SPAG16: variants seen among roughly 807,000 people sequenced by gnomAD.
The protein encoded by SPAG16 is sperm associated antigen 16.
SPAG16 carries 86 observed loss-of-function variants against 80.4 expected under a neutral mutation model. The ratio of observed to expected loss-of-function variants is 1.07; its 90% CI spans 0.90 to 1.28. The LOEUF (loss-of-function observed/expected upper bound fraction) is 1.28, where lower values mean the gene tolerates loss of function less well. Among genes scored for constraint, SPAG16 ranks in the 50% most tolerant of loss-of-function variants. The pLI, the probability that SPAG16 is intolerant of heterozygous loss-of-function variation, is 0.00. For missense variants in SPAG16, 870 were observed against 765.3 expected (o/e 1.14, Z -1.61); for synonymous variants, 294 against 265.9 (o/e 1.11, Z -1.03).
At chr2:213,882,738 A>T (rs1404816154) in intron 11 of SPAG16, among the ~76,000 whole-genome samples, 1 of 152,164 alleles carries the variant, frequency 6.6e-6, no homozygotes, top group Non-Finnish European at 1.5e-5. Context: ...TTTTTCAAAG[A>T]ACAAACTTTT....
At chr2:213,316,835 C>T (rs1575171973) in intron 4 of SPAG16, among the ~76,000 whole-genome samples, 1 of 152,082 alleles carries the variant, frequency 6.6e-6, no homozygotes, top group East Asian at 1.9e-4. Context: ...ACAAGCACTC[C>T]CATCAGTGTT....
At chr2:214,101,679 A>T (rs1177753756) in intron 13 of SPAG16, among the ~76,000 whole-genome samples, 1 of 152,054 alleles carries the variant, frequency 6.6e-6, no homozygotes, top group East Asian at 1.9e-4. Flanking sequence ...GGGCTAGGGG[A>T]CTTTGGAATC....
intron 15 of SPAG16, among the ~76,000 whole-genome samples, chr2:214,377,739 T>C (rs1429992703): frequency 6.6e-6 from 1 of 152,166 alleles, no homozygotes; most frequent in East Asian, 1.9e-4. Context: ...GGGTCAACCA[T>C]ACTTGATATT....
intron 11 of SPAG16, among the ~76,000 whole-genome samples, chr2:213,868,388 C>T (rs570539373): frequency 5.9e-5 from 9 of 152,208 alleles, no homozygotes; most frequent in African/African-American, 1.9e-4. Context: ...GGTTGAACTT[C>T]CTTATCCACA....
chr2:214,357,495 C>T (rs906379062), intron 15 of SPAG16, among the ~76,000 whole-genome samples: 2 of 151,872 alleles, frequency 1.3e-5, no homozygotes, highest in East Asian at 3.9e-4. Flanking sequence ...CCCCCTCCCC[C>T]AGTCTTCTGA....
chr2:213,341,958 A>G lies in SPAG16; in HGVS notation c.644+1688A>G, dbSNP rs2064707033. On this transcript the variant is annotated intron_variant, in intron 6 of 15. Coordinates refer to ENST00000331683, the MANE Select transcript of SPAG16 (RefSeq NM_024532.5). The stretch of plus-strand genomic sequence containing the variant: ...TATGAAGTACTTATGGACTTTATAA[A>G]ATAGACACACCCTTTAAAATAGATT... 4.6e-5 allele frequency among the ~76,000 whole-genome samples: 7 copies of G among 152,176 alleles called. No individual in the cohort carries two copies. In the South Asian group the frequency reaches 1.4e-3, roughly 32 times the overall value.
intron 10 of SPAG16, among the ~76,000 whole-genome samples, chr2:213,511,994 A>G (rs1263125739): frequency 6.6e-6 from 1 of 152,048 alleles, no homozygotes; most frequent in African/African-American, 2.4e-5. Flanking sequence ...TCTCCTCTGG[A>G]GAAAAATAAA....
At chr2:214,257,284 T>G (rs1690759216) in intron 15 of SPAG16, among the ~76,000 whole-genome samples, 1 of 151,988 alleles carries the variant, frequency 6.6e-6, no homozygotes, top group East Asian at 1.9e-4. Flanking sequence ...GTAGTTGTGT[T>G]GTCAAGTTCT....
chr2:214,072,859 C>A (rs1266267803), intron 13 of SPAG16, among the ~76,000 whole-genome samples: 1 of 151,966 alleles, frequency 6.6e-6, no homozygotes, highest in African/African-American at 2.4e-5. Context: ...AATTAAAACC[C>A]AACTTGGATT....
Position 214,015,218 on chromosome 2 carries a change from A to T in SPAG16, c.1527+1141A>T, listed in dbSNP as rs184379787. Reference sequence around the variant, plus strand: ...CATGTTCCATGGACTGGCCAGACCCACTTCATGGTCAGTGGTCTCTTATCA... The same window carrying T: ...CATGTTCCATGGACTGGCCAGACCCTCTTCATGGTCAGTGGTCTCTTATCA... On this transcript the variant is annotated intron_variant, in intron 13 of 15. Transcript: ENST00000331683. 3.5e-4 allele frequency among the ~76,000 whole-genome samples: 53 copies of T among 152,290 alleles called. No homozygotes were observed. The East Asian group carries it at 6.6e-3, about 19-fold the overall frequency.
rs1690138269 is a variant in SPAG16, at chr2:214,250,080, A to G, written c.1720+100814A>G. 6 of 152,134 alleles carry G rather than the reference A, an allele frequency of 3.9e-5. No homozygotes were observed. The South Asian group carries it at 1.2e-3, about 31-fold the overall frequency. The allele number at this position is 152,134 out of a possible 1,614,324, so 9.4% of individuals were successfully genotyped here. ...TAGGAAAGCACAGAAAACTTACTTT[A>G]TTTCTTAAGTGCCTCAGACCAGCAA... On this transcript the variant is annotated intron_variant, in intron 15 of 15. Coordinates refer to ENST00000331683, the MANE Select transcript of SPAG16 (RefSeq NM_024532.5).
intron 14 of SPAG16, among the ~76,000 whole-genome samples, chr2:214,127,453 G>A (rs924269717): frequency 3.3e-5 from 5 of 151,708 alleles, no homozygotes; most frequent in Non-Finnish European, 7.4e-5. Flanking sequence ...AAAGAGCAGA[G>A]TGGGAGTGAG....
At chr2:213,909,896 T>A (rs991472245) in intron 11 of SPAG16, among the ~76,000 whole-genome samples, 1 of 152,218 alleles carries the variant, frequency 6.6e-6, no homozygotes. Context: ...ACAGGCCTTT[T>A]ATTTCAACTC....
intron 11 of SPAG16, among the ~76,000 whole-genome samples, chr2:213,909,730 G>A (rs1292198492): frequency 5.3e-5 from 8 of 152,146 alleles, no homozygotes; most frequent in Non-Finnish European, 7.4e-5. Context: ...ATTAATTCAA[G>A]ATGGATTAAA....
intron 10 of SPAG16, among the ~76,000 whole-genome samples, chr2:213,609,470 G>C (rs2061372240): frequency 6.6e-6 from 1 of 151,822 alleles, no homozygotes; most frequent in African/African-American, 2.4e-5. Flanking sequence ...AATTTATTTT[G>C]AATGCTATAT....
intron 14 of SPAG16, among the ~76,000 whole-genome samples, chr2:214,114,449 A>G (rs2125429893): frequency 6.6e-6 from 1 of 152,306 alleles, no homozygotes; most frequent in African/African-American, 2.4e-5. Flanking sequence ...TTGAGTCTAT[A>G]GAGGCAGTAG....
At chr2:213,562,734 C>A (rs2059633387) in intron 10 of SPAG16, among the ~76,000 whole-genome samples, 2 of 150,316 alleles carry the variant, frequency 1.3e-5, no homozygotes, top group African/African-American at 4.9e-5. Context: ...AGATCTGATG[C>A]CTGGTGAGGC....
chr2:213,959,278 T>C (rs1020182754), intron 12 of SPAG16, among the ~76,000 whole-genome samples: 1 of 152,204 alleles, frequency 6.6e-6, no homozygotes, highest in African/African-American at 2.4e-5. Context: ...TTCTCGGGTG[T>C]TTATATTCCT....
chr2:213,935,763 A>G (rs1036031704), intron 12 of SPAG16, among the ~76,000 whole-genome samples: 1 of 152,232 alleles, frequency 6.6e-6, no homozygotes, highest in Non-Finnish European at 1.5e-5. Flanking sequence ...GAATAAAAAC[A>G]GTACCTTCCA....
Sources: allele counts gnomAD v4.1 joint callset (sites outside exome capture counted in the v4.1 genomes callset), GRCh38; gene constraint gnomAD v4.1.1; transcripts MANE v1.5; gene names NCBI Gene and HGNC (gene_info 2026-07-23, HGNC 2026-07-21).